SLC2A13: variants seen among roughly 807,000 people sequenced by gnomAD.
SLC2A13 encodes the protein solute carrier family 2 member 13.
SLC2A13 carries 32 observed loss-of-function variants against 64.4 expected under a neutral mutation model. The ratio of observed to expected loss-of-function variants is 0.50; its 90% confidence interval spans 0.37 to 0.67. The LOEUF is 0.67. SLC2A13 is among the 30% of genes least tolerant of loss of function. SLC2A13 has a pLI of 0.00. For missense variants in SLC2A13, 743 were observed against 829.2 expected (o/e 0.90, Z 1.28); for synonymous variants, 338 against 327.1 (o/e 1.03, Z -0.36).
chr12:40,025,281 G>A (rs547469502), intron 3 of SLC2A13, among the ~76,000 whole-genome samples: 1 of 152,320 alleles, frequency 6.6e-6, no homozygotes, highest in East Asian at 1.9e-4. Context: ...TATATAAAGT[G>A]TGGTTTTAAA....
At chr12:40,011,995 T>C (rs1947539733) in intron 3 of SLC2A13, among the ~76,000 whole-genome samples, 1 of 152,118 alleles carries the variant, frequency 6.6e-6, no homozygotes, top group Admixed American at 6.5e-5. Context: ...AGTTACAACC[T>C]GGGATTCCTG....
At chr12:39,765,780 C>T (rs1481596838) in intron 7 of SLC2A13, among the ~76,000 whole-genome samples, 1 of 152,082 alleles carries the variant, frequency 6.6e-6, no homozygotes, top group Non-Finnish European at 1.5e-5. Context: ...AGGTTTGTTA[C>T]ATAGGTAAAT....
In SLC2A13 at chr12:40,046,459, T is replaced by G. The variant is rs774263457; in HGVS notation, c.716+1592A>C. 1.1e-4 allele frequency among the ~76,000 whole-genome samples: 17 copies of G among 152,310 alleles called. No individual in the cohort carries two copies. In the East Asian group the frequency reaches 2.9e-3, roughly 26 times the overall value. On this transcript the variant is annotated intron_variant, in intron 2 of 9. Transcript: ENST00000280871. The stretch of plus-strand genomic sequence containing the variant: ...TATACATGCTATGCATTTGAATATA[T>G]CTATATTACTTACATTAATAAAAAT...
intron 5 of SLC2A13, 87 bp downstream of exon 5, chr12:39,871,711 G>A: frequency 8.0e-7 from 1 of 1,247,130 alleles, no homozygotes; most frequent in Non-Finnish European, 1.1e-6. Flanking sequence ...AATATTAGAA[G>A]TGGTGTAAGT....
At chr12:39,770,659 A>G (rs1940531800) in intron 7 of SLC2A13, among the ~76,000 whole-genome samples, 1 of 152,198 alleles carries the variant, frequency 6.6e-6, no homozygotes, top group Non-Finnish European at 1.5e-5. Context: ...CTCAATGCTT[A>G]GCATACTGCC....
At chr12:39,760,366 T>C in intron 9 of SLC2A13, 114 bp from the exon 10 acceptor site, 1 of 848,836 alleles carries the variant, frequency 1.2e-6, no homozygotes, top group Non-Finnish European at 1.8e-6. Context: ...AATCACAGTA[T>C]GAAATGGACC....
intron 4 of SLC2A13, among the ~76,000 whole-genome samples, chr12:39,917,035 A>G (rs1019924203): frequency 1.3e-5 from 2 of 152,106 alleles, no homozygotes; most frequent in Non-Finnish European, 2.9e-5. Context: ...AATTTATTGA[A>G]CACCTGCTAT....
At chr12:39,856,466 T>C (rs551982695) in intron 6 of SLC2A13, among the ~76,000 whole-genome samples, 2 of 152,302 alleles carry the variant, frequency 1.3e-5, no homozygotes, top group African/African-American at 4.8e-5. Context: ...CCTCCCGGGC[T>C]CAAGCGTTTC....
intron 4 of SLC2A13, among the ~76,000 whole-genome samples, chr12:39,937,403 T>A (rs1269150101): frequency 1.3e-5 from 2 of 152,162 alleles, no homozygotes; most frequent in East Asian, 3.9e-4. Flanking sequence ...GTTACAATAG[T>A]CTACCCGGAA....
At chr12:40,091,961 G>C (rs2136297744) in intron 1 of SLC2A13, among the ~76,000 whole-genome samples, 1 of 152,266 alleles carries the variant, frequency 6.6e-6, no homozygotes, top group African/African-American at 2.4e-5. Flanking sequence ...CTATGAATTA[G>C]GTTTTTGTGA....
In SLC2A13 at chr12:39,864,070, C is replaced by T. The variant is rs1287157421; in HGVS notation, c.1319+692G>A. On this transcript the variant is annotated intron_variant, in intron 6 of 9. Transcript: ENST00000280871. Reference sequence around the variant, plus strand: ...TAAAGTCCAGTTTAAAACTTTGAAGCTCTGCTGCCAAATATATTAATCGAT... The same window carrying T: ...TAAAGTCCAGTTTAAAACTTTGAAGTTCTGCTGCCAAATATATTAATCGAT... Among the ~76,000 whole-genome samples the T allele has an allele frequency of 2.6e-5, 4 of 152,322 alleles. No individual in the cohort carries two copies. In the East Asian group the frequency reaches 5.8e-4, roughly 22 times the overall value.
At chr12:40,017,593 A>C (rs1295024328) in intron 3 of SLC2A13, among the ~76,000 whole-genome samples, 2 of 152,218 alleles carry the variant, frequency 1.3e-5, no homozygotes, top group Admixed American at 6.5e-5. Flanking sequence ...CTGTTGGTGC[A>C]TCAAGCCATT....
intron 3 of SLC2A13, among the ~76,000 whole-genome samples, chr12:39,984,377 C>T (rs1178128105): frequency 6.6e-6 from 1 of 151,834 alleles, no homozygotes; most frequent in East Asian, 1.9e-4. Context: ...ACGGTAAGTG[C>T]AATCTTCTAT....
intron 7 of SLC2A13, among the ~76,000 whole-genome samples, chr12:39,783,367 A>G (rs1201117428): frequency 6.6e-6 from 1 of 152,198 alleles, no homozygotes; most frequent in East Asian, 1.9e-4. Context: ...ATGATTTATA[A>G]TTCTTTGGGT....
intron 2 of SLC2A13, among the ~76,000 whole-genome samples, chr12:40,042,505 G>T (rs1159860580): frequency 1.1e-4 from 16 of 151,994 alleles, no homozygotes. Context: ...ATTTGTACCT[G>T]CAGAAACACA....
chr12:39,996,638 C>A (rs1161793886), intron 3 of SLC2A13, among the ~76,000 whole-genome samples: 1 of 152,196 alleles, frequency 6.6e-6, no homozygotes, highest in Non-Finnish European at 1.5e-5. Context: ...GCCCTGTATT[C>A]CAGCTGCTTC....
At chr12:39,863,207 G>A (rs1221031007) in intron 6 of SLC2A13, among the ~76,000 whole-genome samples, 3 of 152,088 alleles carry the variant, frequency 2.0e-5, no homozygotes, top group Non-Finnish European at 2.9e-5. Context: ...ATATGAGTTA[G>A]ATGATAATAC....
At chr12:40,008,271 T>G (rs1202611879) in intron 3 of SLC2A13, among the ~76,000 whole-genome samples, 1 of 152,122 alleles carries the variant, frequency 6.6e-6, no homozygotes, top group African/African-American at 2.4e-5. Flanking sequence ...GTGGTGGTGA[T>G]GACAGGAAGC....
At chr12:39,998,121 T>C (rs1251843330) in intron 3 of SLC2A13, among the ~76,000 whole-genome samples, 1 of 152,130 alleles carries the variant, frequency 6.6e-6, no homozygotes, top group Non-Finnish European at 1.5e-5. Context: ...GAACCAACCC[T>C]AACACCCATC....
Sources: allele counts gnomAD v4.1 joint callset (sites outside exome capture counted in the v4.1 genomes callset), GRCh38; gene constraint gnomAD v4.1.1; transcripts MANE v1.5; gene names NCBI Gene and HGNC (gene_info 2026-07-23, HGNC 2026-07-21).